Variants in HPSE2 observed in about 807,000 individuals in gnomAD.
HPSE2 encodes the protein inactive heparanase-2.
Under a neutral mutation model 60.5 loss-of-function variants are expected in HPSE2, and 38 were observed. That is an observed-to-expected ratio of 0.63 (90% CI 0.48 to 0.82). HPSE2 has a LOEUF of 0.82. HPSE2 is among the 40% of genes least tolerant of loss of function. HPSE2 has a pLI of 0.00. For missense variants in HPSE2, 713 were observed against 740.4 expected, an observed-to-expected ratio of 0.96 and a Z score of 0.43; for synonymous variants, 295 against 293.2, an observed-to-expected ratio of 1.01 and a Z score of -0.06.
At chr10:98,670,823 G>A (rs770449374) in intron 6 of HPSE2, among the ~76,000 whole-genome samples, 16 of 152,302 alleles carry the variant, frequency 1.1e-4, no homozygotes, top group African/African-American at 1.7e-4. Context: ...AATCAATCAC[G>A]ACCCTTTCAT....
intron 9 of HPSE2, among the ~76,000 whole-genome samples, chr10:98,609,839 CTT>C (rs34422929): frequency 1.1e-4 from 14 of 126,170 alleles, no homozygotes; most frequent in South Asian, 5.0e-4. Flanking sequence ...TCTTCTTCTT[CTT>C]TTTTTTTTTT....
chr10:98,996,153 CAATTAT>C (rs1956637169), intron 3 of HPSE2, among the ~76,000 whole-genome samples: 2 of 152,016 alleles, frequency 1.3e-5, no homozygotes, highest in Non-Finnish European at 2.9e-5. Flanking sequence ...GATATTATAA[CAATTAT>C]AATTTATTTT....
chr10:98,580,836 A>ATGTGTGTGTGTGTGTGTGTG, intron 9 of HPSE2, among the ~76,000 whole-genome samples: 1 of 119,558 alleles, frequency 8.4e-6, no homozygotes, highest in African/African-American at 3.6e-5. Context: ...ATATATATAT[A>ATGTGTGTGTGTGTGTGTGTG]TGTGTGTGTG....
the HPSE2 span, among the ~76,000 whole-genome samples, chr10:99,267,170 C>T: frequency 6.6e-6 from 1 of 151,866 alleles, no homozygotes; most frequent in Non-Finnish European, 1.5e-5. Flanking sequence ...CCCTGAATTA[C>T]CAGAAGAATT....
At chr10:98,697,667 G>T (rs2134181361) in intron 5 of HPSE2, among the ~76,000 whole-genome samples, 1 of 152,232 alleles carries the variant, frequency 6.6e-6, no homozygotes, top group South Asian at 2.1e-4. Flanking sequence ...ACCGCACTAA[G>T]ATAATCTACA....
At chr10:99,026,815 A>T (rs1177982967) in intron 3 of HPSE2, among the ~76,000 whole-genome samples, 2 of 152,168 alleles carry the variant, frequency 1.3e-5, no homozygotes, top group African/African-American at 4.8e-5. Flanking sequence ...AAGGAGAAGA[A>T]TAATTTTGGA....
At chr10:98,802,414 C>T (rs1335016202) in intron 3 of HPSE2, among the ~76,000 whole-genome samples, 2 of 150,414 alleles carry the variant, frequency 1.3e-5, no homozygotes, top group African/African-American at 2.5e-5. Flanking sequence ...TGGTGTGCTG[C>T]ACCCATTAAC....
At chr10:98,696,948 A>T (rs1948238703) in intron 5 of HPSE2, among the ~76,000 whole-genome samples, 1 of 152,158 alleles carries the variant, frequency 6.6e-6, no homozygotes, top group Non-Finnish European at 1.5e-5. Flanking sequence ...AGAAGCAAAA[A>T]CAACAGCATC....
chr10:99,052,282 T>TA, intron 3 of HPSE2, among the ~76,000 whole-genome samples: 1 of 147,118 alleles, frequency 6.8e-6, no homozygotes, highest in South Asian at 2.2e-4. Flanking sequence ...ACATGTGAAA[T>TA]AAAAAAGTAA....
intron 3 of HPSE2, among the ~76,000 whole-genome samples, chr10:98,888,645 A>G (rs1482925523): frequency 1.3e-5 from 2 of 152,200 alleles, no homozygotes; most frequent in Non-Finnish European, 2.9e-5. Flanking sequence ...TAAGTGCTCA[A>G]TTACCGTCTC....
chr10:98,975,423 T>A (rs1273574381), intron 3 of HPSE2, among the ~76,000 whole-genome samples: 2 of 152,096 alleles, frequency 1.3e-5, no homozygotes, highest in African/African-American at 4.8e-5. Context: ...AATATATTCA[T>A]CTTAAAGTAT....
chr10:99,091,918 T>C (rs543504253), intron 3 of HPSE2, among the ~76,000 whole-genome samples: 1 of 152,228 alleles, frequency 6.6e-6, no homozygotes, highest in Non-Finnish European at 1.5e-5. Context: ...AACTCAAAAG[T>C]TGCTGTCATT....
chr10:99,128,613 T>C (rs111458242), intron 3 of HPSE2, among the ~76,000 whole-genome samples: 6 of 152,240 alleles, frequency 3.9e-5, no homozygotes, highest in African/African-American at 1.4e-4. Context: ...TTCTCACTTA[T>C]AAGTGGGACC....
chr10:99,163,849 A>G (rs1203545401), intron 2 of HPSE2, among the ~76,000 whole-genome samples: 1 of 151,928 alleles, frequency 6.6e-6, no homozygotes, highest in East Asian at 1.9e-4. Context: ...GGCTGACAGA[A>G]GTTTCTTTAT....
At chr10:98,481,890 G>T (rs1941251304) in intron 11 of HPSE2, among the ~76,000 whole-genome samples, 1 of 152,194 alleles carries the variant, frequency 6.6e-6, no homozygotes, top group Non-Finnish European at 1.5e-5. Context: ...GGGTGGCCTT[G>T]CCCTTGACCA....
Position 99,156,280 on chromosome 10 carries a change from G to T in HPSE2, c.449-11881C>A, listed in dbSNP as rs1200666978. On this transcript the variant is annotated intron_variant, in intron 2 of 11. Transcript: ENST00000370552. Reference sequence around the variant, plus strand: ...CCAGCATCATTCTGATACCAAAGCCGGGCAGAGACACAACCAAAAAAGAGA... The same window carrying T: ...CCAGCATCATTCTGATACCAAAGCCTGGCAGAGACACAACCAAAAAAGAGA... Among the ~76,000 whole-genome samples, 264 of 120,240 alleles carry T rather than the reference G, an allele frequency of 2.2e-3. 2 individuals are homozygous for T. Among genetic ancestry groups the T allele is most frequent in the African/African-American group, 7.0e-3 (258 of 36,836 alleles). The allele number at this position is 120,240 out of a possible 152,430, so 78.9% of individuals were successfully genotyped here.
Position 98,596,630 on chromosome 10 carries a change from G to GT in HPSE2, c.1320+18273dup, listed in dbSNP as rs1049821705. 5.3e-5 allele frequency among the ~76,000 whole-genome samples: 8 copies of GT among 151,810 alleles called. 1 individual carries two copies. Among genetic ancestry groups the GT allele is most frequent in the Admixed American group, 2.0e-4 (3 of 15,244 alleles). On this transcript the variant is annotated intron_variant, in intron 9 of 11. Transcript: ENST00000370552. ...TGGGTAAAGTATTCTTGGTTGGCAG[G>GT]TTTTTTTGTTGTTTTTATTTCTTCA...
intron 3 of HPSE2, among the ~76,000 whole-genome samples, chr10:98,807,504 A>C (rs1951069989): frequency 6.6e-6 from 1 of 152,248 alleles, no homozygotes; most frequent in Non-Finnish European, 1.5e-5. Flanking sequence ...TGTGAATTTT[A>C]AAGGATGTTC....
chr10:98,527,786 T>C (rs1301818025), intron 9 of HPSE2, among the ~76,000 whole-genome samples: 2 of 152,186 alleles, frequency 1.3e-5, no homozygotes. Context: ...AGGCTGGCAC[T>C]CAATAAATAT....
Sources: allele counts gnomAD v4.1 joint callset (sites outside exome capture counted in the v4.1 genomes callset), GRCh38; gene constraint gnomAD v4.1.1; transcripts MANE v1.5; gene names NCBI Gene and HGNC (gene_info 2026-07-23, HGNC 2026-07-21).